MAP3K19: variants seen among roughly 807,000 people sequenced by gnomAD.
MAP3K19 encodes SPS1/STE20-related protein kinase YSK4.
MAP3K19 carries 91 observed loss-of-function variants against 114.4 expected under a neutral mutation model. The observed-to-expected ratio is 0.80, with a 90% CI of 0.67 to 0.95. The LOEUF (loss-of-function observed/expected upper bound fraction) is 0.95, where lower values mean the gene tolerates loss of function less well. MAP3K19 is among the 40% of genes least tolerant of loss of function. The pLI, the probability that MAP3K19 is intolerant of heterozygous loss-of-function variation, is 0.00. For synonymous variants in MAP3K19, 518 were observed against 530.5 expected (o/e 0.98, Z 0.32); for missense variants, 1,471 against 1,573.2 (o/e 0.94, Z 1.10).
chr2:134,991,904 C>T (rs549149367), intron 8 of MAP3K19, among the ~76,000 whole-genome samples: 5 of 152,260 alleles, frequency 3.3e-5, no homozygotes, highest in South Asian at 4.2e-4. Flanking sequence ...CACAGGGCAA[C>T]GTGATGAGAG....
chr2:135,045,454 T>A (rs115108177), intron 1 of MAP3K19, among the ~76,000 whole-genome samples: 1 of 152,316 alleles, frequency 6.6e-6, no homozygotes, highest in African/African-American at 2.4e-5. Flanking sequence ...ATTTGCAGGA[T>A]CATTTCAGGG....
chr2:135,017,136 C>A (rs1687627834), intron 5 of MAP3K19, among the ~76,000 whole-genome samples: 1 of 151,762 alleles, frequency 6.6e-6, no homozygotes, highest in African/African-American at 2.4e-5. Flanking sequence ...CTTGGCTCTT[C>A]ATATTAAGGA....
intron 5 of MAP3K19, among the ~76,000 whole-genome samples, chr2:135,013,311 CAAA>C (rs774827558): frequency 3.3e-5 from 4 of 119,504 alleles, no homozygotes; most frequent in Admixed American, 8.6e-5. Flanking sequence ...GAGTCCGTCC[CAAA>C]AAAAAAAAAA....
chr2:134,991,606 A>G, intron 8 of MAP3K19, 26 bp from the exon 9 acceptor site: 1 of 1,590,836 alleles, frequency 6.3e-7, no homozygotes, highest in Non-Finnish European at 8.6e-7. Context: ...CAATAACTGG[A>G]TATTCTTAGT....
intron 9 of MAP3K19, among the ~76,000 whole-genome samples, chr2:134,990,465 T>G (rs1383195680): frequency 6.6e-6 from 1 of 151,262 alleles, no homozygotes; most frequent in Non-Finnish European, 1.5e-5. Flanking sequence ...TTTTTGTTTT[T>G]TTTTTTTGTT....
chr2:135,014,460 GACCACAGGT>G (rs1463454535), intron 5 of MAP3K19, among the ~76,000 whole-genome samples: 1 of 152,158 alleles, frequency 6.6e-6, no homozygotes, highest in Non-Finnish European at 1.5e-5. Flanking sequence ...GAGTAGCTGG[GACCACAGGT>G]ACAGGTATCC....
chr2:135,014,941 T>C (rs1687482451), intron 5 of MAP3K19, among the ~76,000 whole-genome samples: 1 of 152,242 alleles, frequency 6.6e-6, no homozygotes, highest in Admixed American at 6.5e-5. Context: ...ATGTATCCTT[T>C]CTATTCTTGA....
At chr2:134,995,860 G>A (rs1685946001) in intron 8 of MAP3K19, among the ~76,000 whole-genome samples, 1 of 152,042 alleles carries the variant, frequency 6.6e-6, no homozygotes, top group Non-Finnish European at 1.5e-5. Context: ...AATAGATGAA[G>A]CCCAAACTGA....
intron 12 of MAP3K19, among the ~76,000 whole-genome samples, chr2:134,975,590 A>G (rs930644007): frequency 6.6e-6 from 1 of 152,010 alleles, no homozygotes; most frequent in Non-Finnish European, 1.5e-5. Context: ...GGTGGTGGGC[A>G]AGGGGAGCCT....
chr2:134,979,200 C>T (rs1684447719), intron 12 of MAP3K19, among the ~76,000 whole-genome samples: 1 of 152,112 alleles, frequency 6.6e-6, no homozygotes, highest in African/African-American at 2.4e-5. Context: ...TAATTATATA[C>T]TTGTATATGA....
At chr2:135,037,669 T>C (rs1184351189) in intron 2 of MAP3K19, among the ~76,000 whole-genome samples, 4 of 152,188 alleles carry the variant, frequency 2.6e-5, no homozygotes, top group African/African-American at 9.6e-5. Context: ...AGCTTATTTG[T>C]ATAGTGAATG....
At chr2:135,046,531 C>T (rs1297944691) in intron 1 of MAP3K19, among the ~76,000 whole-genome samples, 1 of 152,206 alleles carries the variant, frequency 6.6e-6, no homozygotes, top group Non-Finnish European at 1.5e-5. Context: ...CCTCCTTGGC[C>T]TCCCAAAGTG....
At chr2:134,977,305 C>T (rs1405597998) in intron 12 of MAP3K19, among the ~76,000 whole-genome samples, 1 of 149,162 alleles carries the variant, frequency 6.7e-6, no homozygotes, top group African/African-American at 2.5e-5. Flanking sequence ...CCTCAGCCTT[C>T]TGAGTCACTG....
In MAP3K19 at chr2:134,998,733, C is replaced by A; in HGVS notation, c.574+5G>T. 1 of 1,595,200 alleles carries A rather than the reference C, an allele frequency of 6.3e-7. No individual in the cohort carries two copies. The highest frequency in any genetic ancestry group is 8.5e-7 in the Non-Finnish European group (1 of 1,171,024). On this transcript the variant is annotated splice_donor_5th_base_variant and intron_variant, in intron 8 of 12. Transcript: ENST00000392915. ...ACTCACTGTGGAATTCAATGTTCAACTTACCTTCAGATTTTCTTTGCTGCT... is the reference window on the plus strand; with the variant it reads ...ACTCACTGTGGAATTCAATGTTCAAATTACCTTCAGATTTTCTTTGCTGCT...
At chr2:134,990,972 T>C (rs1464799937) in intron 9 of MAP3K19, among the ~76,000 whole-genome samples, 1 of 151,890 alleles carries the variant, frequency 6.6e-6, no homozygotes, top group Non-Finnish European at 1.5e-5. Flanking sequence ...AGGGGGAGTA[T>C]TGCTTGAGGC....
At chr2:135,043,906 TTTG>T (rs1688691663) in intron 1 of MAP3K19, among the ~76,000 whole-genome samples, 1 of 152,244 alleles carries the variant, frequency 6.6e-6, no homozygotes, top group Non-Finnish European at 1.5e-5. Context: ...TGCAATCCAC[TTTG>T]TTTTCTAATT....
In MAP3K19 at chr2:134,986,324, T is replaced by C. The variant is rs1685101053; in HGVS notation, c.2548A>G (p.Ile850Val). 2 of 1,613,730 alleles carry C rather than the reference T, an allele frequency of 1.2e-6. No homozygotes were observed. The highest frequency in any genetic ancestry group is 3.3e-5 in the Admixed American group (2 of 59,966). Residue 850 changes from isoleucine (I) to valine (V), a missense_variant, in exon 10 of 13, where the codon ATC becomes GTC. Physicochemically the swap from Ile to Val is conservative, Grantham distance 29. Transcript: ENST00000392915. ...LEELHHQIPF[I>V]PSEDSWAVPS... Reference sequence around the variant, plus strand: ...ACTGCCCAGCTGTCTTCTGAAGGGATAAATGGGATCTGGTGATGTAGCTCT... The same window carrying C: ...ACTGCCCAGCTGTCTTCTGAAGGGACAAATGGGATCTGGTGATGTAGCTCT...
chr2:134,975,401 T>C (rs371634892), intron 12 of MAP3K19, among the ~76,000 whole-genome samples: 153 of 152,204 alleles, frequency 1.0e-3, no homozygotes, highest in African/African-American at 3.5e-3. Context: ...CCAGCAGTGA[T>C]AGGGCAGAGA....
Position 134,987,660 on chromosome 2 carries a change from T to C in MAP3K19, c.1212A>G (p.Pro404=), listed in dbSNP as rs200548945. 25 of 1,614,048 alleles carry C rather than the reference T, an allele frequency of 1.5e-5. 1 individual carries two copies. The East Asian group carries it at 3.8e-4, about 24-fold the overall frequency. The change falls in exon 10 of 13, where the codon CCA becomes CCG. Residue 404 remains proline, a synonymous_variant. Coordinates refer to ENST00000392915, the MANE Select transcript of MAP3K19 (RefSeq NM_025052.5). ...TATTTCTCATCTCTTCATCCTGGCT[T>C]GGAGTTATTTCTGAATGCTGGGTTT... ...FQETQHSEIT[P]SQDEEMRNNK...
Sources: allele counts gnomAD v4.1 joint callset (sites outside exome capture counted in the v4.1 genomes callset), GRCh38; gene constraint gnomAD v4.1.1; transcripts MANE v1.5; gene names NCBI Gene and HGNC (gene_info 2026-07-23, HGNC 2026-07-21).